Variants in POR observed in about 807,000 individuals in gnomAD.
POR encodes cytochrome p450 oxidoreductase, also known as NADPH--cytochrome P450 reductase.
POR carries 56 observed loss-of-function variants against 84.0 expected under a neutral mutation model. The observed-to-expected ratio is 0.67, with a 90% CI of 0.54 to 0.83. The LOEUF (loss-of-function observed/expected upper bound fraction) is 0.83, where lower values mean the gene tolerates loss of function less well. Ranked by LOEUF, POR falls within the 40% of genes least tolerant of loss-of-function variation. POR has a pLI of 0.00. For missense variants in POR, 938 were observed against 944.3 expected, an observed-to-expected ratio of 0.99 and a Z score of 0.09; for synonymous variants, 414 against 400.5, an observed-to-expected ratio of 1.03 and a Z score of -0.40.
chr7:75,933,844 A>ATGTGTG (rs149976813), intron 1 of POR, among the ~76,000 whole-genome samples: 1 of 150,646 alleles, frequency 6.6e-6, no homozygotes, highest in South Asian at 2.1e-4. Context: ...TGCTTTATCA[A>ATGTGTG]TGTGTGTGTG....
intron 2 of POR, among the ~76,000 whole-genome samples, chr7:75,956,453 G>A (rs1214427629): frequency 2.0e-5 from 3 of 152,198 alleles, no homozygotes; most frequent in African/African-American, 7.2e-5. Context: ...TCTTCATCAA[G>A]CTTACGCTCT....
At chr7:75,968,895 C>G (rs1369579871) in intron 2 of POR, among the ~76,000 whole-genome samples, 1 of 152,220 alleles carries the variant, frequency 6.6e-6, no homozygotes, top group Non-Finnish European at 1.5e-5. Flanking sequence ...CCTCCTCCCC[C>G]GCCACTTGCC....
At chr7:75,977,514 G>A (rs1043268621) in intron 3 of POR, among the ~76,000 whole-genome samples, 4 of 152,210 alleles carry the variant, frequency 2.6e-5, no homozygotes, top group Admixed American at 6.5e-5. Flanking sequence ...GGTGGCTCAC[G>A]CCCGTAATCC....
intron 1 of POR, among the ~76,000 whole-genome samples, chr7:75,915,920 G>A (rs1336329501): frequency 1.2e-4 from 19 of 152,314 alleles, no homozygotes; most frequent in African/African-American, 3.8e-4. Context: ...TTCAAAACGA[G>A]TTACCCTTGT....
At chr7:75,965,416 C>T (rs1437608436) in intron 2 of POR, among the ~76,000 whole-genome samples, 1 of 152,164 alleles carries the variant, frequency 6.6e-6, no homozygotes, top group Non-Finnish European at 1.5e-5. Context: ...CTGACGTTAG[C>T]ACATGAGAGC....
At chr7:75,945,093 C>T (rs1487292121) in intron 1 of POR, among the ~76,000 whole-genome samples, 1 of 151,994 alleles carries the variant, frequency 6.6e-6, no homozygotes, top group Non-Finnish European at 1.5e-5. Context: ...CCAGACTGGG[C>T]AATGTGGCAA....
At chr7:75,975,676 C>T (rs1193014248) in intron 3 of POR, among the ~76,000 whole-genome samples, 1 of 152,044 alleles carries the variant, frequency 6.6e-6, no homozygotes, top group Non-Finnish European at 1.5e-5. Context: ...CTGGGCGCAA[C>T]GTGTTCAAGG....
chr7:75,920,141 C>T (rs1806782818), intron 1 of POR, among the ~76,000 whole-genome samples: 1 of 141,792 alleles, frequency 7.1e-6, no homozygotes, highest in Non-Finnish European at 1.5e-5. Flanking sequence ...TCTTGGCTCA[C>T]TGCAACCTCT....
intron 2 of POR, among the ~76,000 whole-genome samples, chr7:75,954,770 C>T (rs1320193691): frequency 7.3e-5 from 11 of 149,710 alleles, no homozygotes; most frequent in South Asian, 4.2e-4. Context: ...TACAGCGGTG[C>T]GATCTCGGCT....
In POR at chr7:75,985,162, G is replaced by A. The variant is rs368439912; in HGVS notation, c.1353G>A (p.Leu451=). 6 of 1,598,958 alleles carry A rather than the reference G, an allele frequency of 3.8e-6. No homozygotes were observed. The highest frequency in any genetic ancestry group is 1.3e-5 in the African/African-American group (1 of 74,920). ...CCATCGACCACCTGTGTGAGCTGCTGCCGCGCCTGCAGGCCCGCTACTACT... is the reference window on the plus strand; with the variant it reads ...CCATCGACCACCTGTGTGAGCTGCTACCGCGCCTGCAGGCCCGCTACTACT... The change falls in exon 12 of 16, where the codon CTG becomes CTA. Residue 451 remains leucine (L), a synonymous_variant. Coordinates refer to ENST00000461988, the MANE Select transcript of POR (RefSeq NM_000941.3).
At chr7:75,981,396 G>T in intron 6 of POR, 121 bp from the exon 7 acceptor site, 2 of 1,210,494 alleles carry the variant, frequency 1.7e-6, no homozygotes. Flanking sequence ...GTCGCTGGGT[G>T]CCCCAGGGTG....
At chr7:75,970,505 G>C (rs1041824704) in intron 2 of POR, among the ~76,000 whole-genome samples, 22 of 151,926 alleles carry the variant, frequency 1.4e-4, no homozygotes, top group African/African-American at 5.3e-4. Context: ...CCACCACACC[G>C]GGCTAATTAA....
In POR at chr7:75,981,152, G is replaced by A. The variant is rs1351519590; in HGVS notation, c.621G>A (p.Gly207=). ...GCGCCCAGCGCATCTTTGAGCTGGG[G>A]TTGGGCGACGACGATGGGAAGTGAG... Residue 207 remains glycine (G), a synonymous_variant, in exon 6 of 16, where the codon GGG becomes GGA. Transcript: ENST00000461988. 3.0e-5 allele frequency: 46 copies of A among 1,549,584 alleles called. No homozygotes were observed. Among genetic ancestry groups the A allele is most frequent in the Non-Finnish European group, 3.8e-5 (44 of 1,147,090 alleles).
At chr7:75,966,191 G>T (rs569008386) in intron 2 of POR, among the ~76,000 whole-genome samples, 1 of 152,058 alleles carries the variant, frequency 6.6e-6, no homozygotes, top group South Asian at 2.1e-4. Context: ...CATTCCCTTC[G>T]CCTGTTTTGT....
chr7:75,981,148 T>C lies in POR; in HGVS notation c.617T>C (p.Leu206Pro), dbSNP rs1563430730. The C allele has an allele frequency of 6.4e-7, 1 of 1,552,172 alleles. No homozygotes were observed. The highest frequency in any genetic ancestry group is 2.4e-5 in the East Asian group (1 of 41,228). The change falls in exon 6 of 16, where the codon CTG becomes CCG. Residue 206 changes from leucine (L) to proline (P), a missense_variant. Physicochemically the swap from Leu to Pro is moderately conservative, Grantham distance 98 (BLOSUM62 -3). Coordinates refer to ENST00000461988, the MANE Select transcript of POR (RefSeq NM_000941.3). The stretch of plus-strand genomic sequence containing the variant: ...CTCGGCGCCCAGCGCATCTTTGAGC[T>C]GGGGTTGGGCGACGACGATGGGAAG...
intron 2 of POR, among the ~76,000 whole-genome samples, chr7:75,969,572 G>A (rs1305113172): frequency 2.0e-5 from 3 of 152,218 alleles, no homozygotes; most frequent in Non-Finnish European, 4.4e-5. Flanking sequence ...GTTTGCTCTT[G>A]TCCTTTTCTT....
intron 3 of POR, among the ~76,000 whole-genome samples, chr7:75,979,155 G>T (rs1039336064): frequency 6.6e-6 from 1 of 152,218 alleles, no homozygotes; most frequent in African/African-American, 2.4e-5. Context: ...ACGGATAGGG[G>T]CTATACATTT....
intron 10 of POR, 35 bp from the exon 11 acceptor site, chr7:75,984,742 G>A (rs782289065): frequency 3.1e-5 from 50 of 1,601,666 alleles, no homozygotes; most frequent in South Asian, 9.9e-5. Context: ...GGAGGCGGCC[G>A]CCTACCCCAA....
At chr7:75,942,009 A>G (rs1370079992) in intron 1 of POR, among the ~76,000 whole-genome samples, 1 of 152,126 alleles carries the variant, frequency 6.6e-6, no homozygotes, top group African/African-American at 2.4e-5. Flanking sequence ...GCTTGAGTCC[A>G]GGAGTTTGAG....
Sources: allele counts gnomAD v4.1 joint callset (sites outside exome capture counted in the v4.1 genomes callset), GRCh38; gene constraint gnomAD v4.1.1; transcripts MANE v1.5; gene names NCBI Gene and HGNC (gene_info 2026-07-23, HGNC 2026-07-21).